The following LYPD6 variants were observed in gnomAD, a reference collection of about 807,000 sequenced individuals.
LYPD6 encodes the protein ly6/PLAUR domain-containing protein 6.
In LYPD6, 15 loss-of-function variants were observed where a neutral mutation model predicts 22.7. That is an observed-to-expected ratio of 0.66 (90% CI 0.44 to 1.02). LYPD6 has a LOEUF of 1.02. LYPD6 is among the 50% of genes least tolerant of loss of function. The pLI, the probability that LYPD6 is intolerant of heterozygous loss-of-function variation, is 0.00. For missense variants in LYPD6, 189 were observed against 208.4 expected, an observed-to-expected ratio of 0.91 and a Z score of 0.57; for synonymous variants, 72 against 77.5, an observed-to-expected ratio of 0.93 and a Z score of 0.37.
chr2:149,384,973 T>C (rs1175211474), intron 1 of LYPD6, among the ~76,000 whole-genome samples: 7 of 148,908 alleles, frequency 4.7e-5, no homozygotes, highest in Non-Finnish European at 1.0e-4. Context: ...AGTGAGAACA[T>C]GTGGTGTCTG....
At chr2:149,349,210 TG>T (rs1681315655) in intron 1 of LYPD6, among the ~76,000 whole-genome samples, 1 of 152,132 alleles carries the variant, frequency 6.6e-6, no homozygotes, top group Non-Finnish European at 1.5e-5. Context: ...GGGAGCTTCA[TG>T]ATCTCAGTAA....
chr2:149,374,850 G>A (rs1296228284), intron 1 of LYPD6, among the ~76,000 whole-genome samples: 1 of 152,176 alleles, frequency 6.6e-6, no homozygotes, highest in Non-Finnish European at 1.5e-5. Flanking sequence ...ACAATTATGA[G>A]GAAAAATAGT....
chr2:149,425,529 T>A (rs1045720678), intron 1 of LYPD6, among the ~76,000 whole-genome samples: 6 of 152,102 alleles, frequency 3.9e-5, no homozygotes, highest in Non-Finnish European at 5.9e-5. Flanking sequence ...AGAAAGAAAT[T>A]AATTTAGATG....
intron 1 of LYPD6, among the ~76,000 whole-genome samples, chr2:149,379,494 G>T (rs1026716284): frequency 2.6e-5 from 4 of 152,152 alleles, no homozygotes; most frequent in Non-Finnish European, 5.9e-5. Flanking sequence ...ATTGATATTT[G>T]GAAAAAATTC....
chr2:149,403,418 C>A (rs1252949718), intron 1 of LYPD6, among the ~76,000 whole-genome samples: 14 of 150,248 alleles, frequency 9.3e-5, no homozygotes, highest in African/African-American at 3.5e-4. Context: ...TTAATGATTG[C>A]CATTCTAACT....
intron 2 of LYPD6, among the ~76,000 whole-genome samples, chr2:149,444,183 C>T (rs966150358): frequency 3.9e-5 from 6 of 152,154 alleles, no homozygotes; most frequent in Admixed American, 6.5e-5. Context: ...ATCCACCTGA[C>T]TCGGCCTCCC....
At chr2:149,345,370 G>A (rs1287490338) in intron 1 of LYPD6, among the ~76,000 whole-genome samples, 4 of 149,030 alleles carry the variant, frequency 2.7e-5, no homozygotes, top group East Asian at 2.0e-4. Flanking sequence ...GCAGTGGCGC[G>A]ATCTCAGGTC....
chr2:149,355,303 C>A (rs75929822), intron 1 of LYPD6, among the ~76,000 whole-genome samples: 2,182 of 152,298 alleles, frequency 0.014, 40 homozygotes, highest in African/African-American at 0.049. Context: ...ATAGTTTACA[C>A]TGATATGATT....
chr2:149,420,662 A>G (rs536503090), intron 1 of LYPD6, among the ~76,000 whole-genome samples: 2 of 152,276 alleles, frequency 1.3e-5, no homozygotes, highest in South Asian at 4.1e-4. Context: ...AGAAACCAGG[A>G]AAGATGCCAT....
intron 1 of LYPD6, among the ~76,000 whole-genome samples, chr2:149,337,609 C>T (rs1453737587): frequency 6.6e-6 from 1 of 151,754 alleles, no homozygotes; most frequent in Non-Finnish European, 1.5e-5. Flanking sequence ...TGTATATAAT[C>T]CCAGTTAGCT....
At chr2:149,379,972 GAGGAACGGGA>G (rs1682022862) in intron 1 of LYPD6, among the ~76,000 whole-genome samples, 1 of 152,210 alleles carries the variant, frequency 6.6e-6, no homozygotes, top group Non-Finnish European at 1.5e-5. Context: ...AAACAGAGCA[GAGGAACGGGA>G]AGGATTTGCA....
intron 1 of LYPD6, among the ~76,000 whole-genome samples, chr2:149,365,592 A>G (rs1456953967): frequency 6.6e-6 from 1 of 151,952 alleles, no homozygotes; most frequent in Non-Finnish European, 1.5e-5. Context: ...AGAATTCTAC[A>G]TATTTACAGC....
At chr2:149,338,805 A>G (rs62190576) in intron 1 of LYPD6, among the ~76,000 whole-genome samples, 9,307 of 152,286 alleles carry the variant, frequency 0.061, 352 homozygotes, top group Non-Finnish European at 0.07. Context: ...TTGTTCTCCA[A>G]TATTAGCTTA....
intron 3 of LYPD6, among the ~76,000 whole-genome samples, chr2:149,453,285 C>G (rs963981336): frequency 6.6e-6 from 1 of 152,124 alleles, no homozygotes; most frequent in Non-Finnish European, 1.5e-5. Flanking sequence ...CATGACTTTT[C>G]TCTGTGCTGC....
chr2:149,442,153 A>G (rs1683582656), intron 2 of LYPD6, among the ~76,000 whole-genome samples: 2 of 152,226 alleles, frequency 1.3e-5, no homozygotes, highest in Non-Finnish European at 2.9e-5. Context: ...GAATTTTTAT[A>G]TATGCATCCA....
chr2:149,385,165 G>A (rs1223086682), intron 1 of LYPD6, among the ~76,000 whole-genome samples: 3 of 152,000 alleles, frequency 2.0e-5, no homozygotes, highest in Non-Finnish European at 4.4e-5. Context: ...CTGAAGGAAA[G>A]TTATGAAGCT....
chr2:149,388,343 G>A (rs1329216585), intron 1 of LYPD6, among the ~76,000 whole-genome samples: 1 of 152,002 alleles, frequency 6.6e-6, no homozygotes, highest in Non-Finnish European at 1.5e-5. Flanking sequence ...CAGAAACATT[G>A]CTATTAAATG....
chr2:149,399,207 T>A (rs186947401), intron 1 of LYPD6, among the ~76,000 whole-genome samples: 180 of 152,296 alleles, frequency 1.2e-3, no homozygotes, highest in Admixed American at 1.7e-3. Flanking sequence ...ATCTTTTTTT[T>A]ATTTTCTTCT....
intron 2 of LYPD6, among the ~76,000 whole-genome samples, chr2:149,448,707 C>G (rs980002313): frequency 6.6e-6 from 1 of 152,214 alleles, no homozygotes; most frequent in African/African-American, 2.4e-5. Context: ...AGTAATAGTT[C>G]ATTCCTTTTT....
Sources: gnomAD v4.1 joint callset for allele counts (sites outside exome capture counted in the v4.1 genomes callset) on GRCh38, gnomAD v4.1.1 for gene constraint, MANE v1.5 for transcripts, NCBI Gene and HGNC (gene_info 2026-07-23, HGNC 2026-07-21) for gene names.